ASB1: variants seen among roughly 807,000 people sequenced by gnomAD.
ASB1 encodes ankyrin repeat and SOCS box protein 1.
ASB1 carries 18 observed loss-of-function variants against 27.7 expected under a neutral mutation model. The observed-to-expected ratio is 0.65, with a 90% CI of 0.45 to 0.96. ASB1 has a LOEUF of 0.96. ASB1 is among the 50% of genes least tolerant of loss of function. The pLI, the probability that ASB1 is intolerant of heterozygous loss-of-function variation, is 0.00. For synonymous variants in ASB1, 189 were observed against 187.6 expected, an observed-to-expected ratio of 1.01 and a Z score of -0.06; for missense variants, 397 against 451.7, an observed-to-expected ratio of 0.88 and a Z score of 1.10.
chr2:238,436,150 T>G, intron 3 of ASB1, 137 bp downstream of exon 3: 1 of 722,280 alleles, frequency 1.4e-6, no homozygotes, highest in Non-Finnish European at 2.1e-6. Flanking sequence ...AGCTGCCTCT[T>G]GGCTTTATCA....
Position 238,426,990 on chromosome 2 carries a change from C to T in ASB1, c.-81C>T. ...GACGCGCCCCCCATTGCCCTCGGCG[C>T]CGGAAGTGGTCGCGGGTCGTTCTGC... On this transcript the variant is annotated 5_prime_UTR_variant, in exon 1 of 5. Transcript: ENST00000264607. The T allele has an allele frequency of 1.7e-6, 2 of 1,148,800 alleles. No individual in the cohort carries two copies. The highest frequency in any genetic ancestry group is 2.2e-6 in the Non-Finnish European group (2 of 914,000). 71.2% of individuals were successfully genotyped at this position (1,148,800 alleles called of 1,614,324 possible). A position where few individuals can be genotyped will look rare whatever the true frequency, so the allele number is the denominator to read the frequency against.
At chr2:238,434,732 C>G (rs1701934488) in intron 2 of ASB1, among the ~76,000 whole-genome samples, 1 of 152,238 alleles carries the variant, frequency 6.6e-6, no homozygotes, top group Non-Finnish European at 1.5e-5. Context: ...ATTCAACTTG[C>G]AGATGTAACA....
At chr2:238,430,167 C>A (rs1701841048) in intron 1 of ASB1, among the ~76,000 whole-genome samples, 2 of 152,080 alleles carry the variant, frequency 1.3e-5, no homozygotes. Context: ...CTGGCTCTTC[C>A]TTTGATGAGA....
chr2:238,436,476 C>T (rs185993767), intron 3 of ASB1, among the ~76,000 whole-genome samples: 56 of 151,940 alleles, frequency 3.7e-4, no homozygotes, highest in African/African-American at 6.5e-4. Flanking sequence ...GATTCTTTGA[C>T]GTAAAAAAAT....
In ASB1 at chr2:238,427,077, G is replaced by A; in HGVS notation, c.7G>A (p.Glu3Lys). Residue 3 changes from glutamate to lysine, a missense_variant, in exon 1 of 5, where the codon GAG becomes AAG. Glu to Lys is a moderately conservative substitution (Grantham distance 56). Transcript: ENST00000264607. ...CGCGGAGGCGGAAGCATCCATGGCG[G>A]AGGGCGGCAGCCCAGACGGGCGGGC... Reference protein sequence around the residue: MAEGGSPDGRAGP... With the variant: MAKGGSPDGRAGP... 1 of 1,263,964 alleles carries A rather than the reference G, an allele frequency of 7.9e-7. No individual in the cohort carries two copies. Among genetic ancestry groups the A allele is most frequent in the Non-Finnish European group, 9.9e-7 (1 of 1,005,836 alleles). The allele number at this position is 1,263,964 out of a possible 1,614,324, so 78.3% of individuals were successfully genotyped here.
intron 1 of ASB1, chr2:238,427,735 T>G (rs1202909763): frequency 6.6e-6 from 1 of 152,290 alleles, no homozygotes; most frequent in African/African-American, 2.4e-5. Flanking sequence ...CACCTTGCAG[T>G]GTCCCTACCA....
At chr2:238,438,411 A>G (rs1161892455) in intron 3 of ASB1, among the ~76,000 whole-genome samples, 6 of 151,960 alleles carry the variant, frequency 3.9e-5, no homozygotes, top group Admixed American at 3.3e-4. Flanking sequence ...CATGTTAGCC[A>G]GGATGGTCTT....
chr2:238,434,137 C>T (rs912322008), intron 2 of ASB1, among the ~76,000 whole-genome samples: 1 of 152,224 alleles, frequency 6.6e-6, no homozygotes, highest in African/African-American at 2.4e-5. Flanking sequence ...CATCTGCCCC[C>T]GGGACCTGGG....
At chr2:238,442,140 G>C (rs1311173031) in intron 3 of ASB1, among the ~76,000 whole-genome samples, 1 of 88,952 alleles carries the variant, frequency 1.1e-5, no homozygotes, top group Non-Finnish European at 2.3e-5. Context: ...TTTTTTTTTT[G>C]AGATGAAGTC....
intron 4 of ASB1, among the ~76,000 whole-genome samples, chr2:238,444,974 GCT>G (rs1377867788): frequency 1.5e-5 from 2 of 136,222 alleles, no homozygotes; most frequent in East Asian, 2.1e-4. Context: ...TTATGCTCGC[GCT>G]CTCTTTTTTT....
chr2:238,441,355 G>A (rs551444866), intron 3 of ASB1, among the ~76,000 whole-genome samples: 20 of 152,066 alleles, frequency 1.3e-4, no homozygotes, highest in Non-Finnish European at 2.2e-4. Flanking sequence ...GGCTGGTCTC[G>A]AACTCCTGGC....
At position 238,435,837 on chromosome 2, in the gene ASB1, G is replaced by A; in HGVS notation, c.318G>A (p.Leu106=). 1.9e-6 allele frequency: 3 copies of A among 1,614,252 alleles called. No homozygotes were observed. The highest frequency in any genetic ancestry group is 1.1e-5 in the South Asian group (1 of 91,084). Residue 106 remains leucine, a synonymous_variant, in exon 3 of 5, where the codon CTG becomes CTA. Coordinates refer to ENST00000264607, the MANE Select transcript of ASB1 (RefSeq NM_001040445.3). The stretch of plus-strand genomic sequence containing the variant: ...TCCGGAAGGGGGCCGAGGTGGATCT[G>A]GTGGACGTAAAAGGACAGACGGCCC... The part of the protein sequence containing the change: ...FLIRKGAEVD[L]VDVKGQTALY...
rs761090549 is a variant in ASB1 at position 238,447,846 on chromosome 2, G to A, written c.*1335G>A. ...CTTAGTAGCATCACTGTGTGTCTTA[G>A]CAGGCAGGCAGTGTCTGGCCATTAT... On this transcript the variant is annotated 3_prime_UTR_variant, in exon 5 of 5. Coordinates refer to ENST00000264607, the MANE Select transcript of ASB1 (RefSeq NM_001040445.3). The A allele has an allele frequency of 6.6e-6, 1 of 152,246 alleles. No homozygotes were observed. Among genetic ancestry groups the A allele is most frequent in the Non-Finnish European group, 1.5e-5 (1 of 68,058 alleles). 9.4% of individuals were successfully genotyped at this position (152,246 alleles called of 1,614,324 possible).
chr2:238,438,218 G>C (rs374039626), intron 3 of ASB1, among the ~76,000 whole-genome samples: 1 of 8,236 alleles, frequency 1.2e-4, no homozygotes, highest in South Asian at 3.2e-3. Context: ...TTTTTTTTTT[G>C]AGACGGAGTC....
intron 1 of ASB1, among the ~76,000 whole-genome samples, chr2:238,432,179 G>T (rs1268268670): frequency 6.6e-6 from 1 of 152,168 alleles, no homozygotes; most frequent in Non-Finnish European, 1.5e-5. Flanking sequence ...TTACCTAGTA[G>T]GGTAGGTCTT....
chr2:238,436,145 C>T, intron 3 of ASB1, 132 bp downstream of exon 3: 1 of 773,956 alleles, frequency 1.3e-6, no homozygotes, highest in Non-Finnish European at 1.9e-6. Flanking sequence ...TAAAGAGCTG[C>T]CTCTTGGCTT....
At chr2:238,432,998 G>C (rs1211313190) in intron 1 of ASB1, among the ~76,000 whole-genome samples, 1 of 152,068 alleles carries the variant, frequency 6.6e-6, no homozygotes, top group Admixed American at 6.5e-5. Flanking sequence ...TGCCCGCCTC[G>C]GCCTCTCAAA....
chr2:238,439,963 A>C (rs1485600568), intron 3 of ASB1, among the ~76,000 whole-genome samples: 1 of 152,124 alleles, frequency 6.6e-6, no homozygotes, highest in South Asian at 2.1e-4. Context: ...GTATAGACTC[A>C]TGGTTTCTGA....
In ASB1 at chr2:238,446,697, A is replaced by G; in HGVS notation, c.*186A>G. The G allele has an allele frequency of 1.5e-6, 1 of 647,288 alleles. No homozygotes were observed. Among genetic ancestry groups the G allele is most frequent in the Admixed American group, 2.9e-5 (1 of 34,544 alleles). The allele number at this position is 647,288 out of a possible 1,614,324, so 40.1% of individuals were successfully genotyped here. ...ACAGTCCTTGGGTCATTGTCAGCTGAGAGGCTTATACTAAAGTTATTATTG... is the reference window on the plus strand; with the variant it reads ...ACAGTCCTTGGGTCATTGTCAGCTGGGAGGCTTATACTAAAGTTATTATTG... On this transcript the variant is annotated 3_prime_UTR_variant, in exon 5 of 5. Transcript: ENST00000264607.
Sources: gnomAD v4.1 joint callset for allele counts (sites outside exome capture counted in the v4.1 genomes callset) on GRCh38, gnomAD v4.1.1 for gene constraint, MANE v1.5 for transcripts, NCBI Gene and HGNC (gene_info 2026-07-23, HGNC 2026-07-21) for gene names.